The following MYBPC1 variants were observed in gnomAD, a reference collection of about 807,000 sequenced individuals.
MYBPC1 encodes myosin-binding protein C, slow-type.
MYBPC1 carries 52 observed loss-of-function variants against 147.1 expected under a neutral mutation model. That is an observed-to-expected ratio of 0.35 (90% CI 0.28 to 0.45). MYBPC1 has a LOEUF of 0.45. MYBPC1 is among the 20% of genes least tolerant of loss of function. The probability of loss-of-function intolerance (pLI) is 1.00; values close to 1 mark genes in which losing one functional copy is unlikely to be tolerated. For synonymous variants in MYBPC1, 477 were observed against 475.9 expected (o/e 1.00, Z -0.03); for missense variants, 1,228 against 1,440.3 (o/e 0.85, Z 2.39).
chr12:101,682,029 A>G (rs1195411969), intron 29 of MYBPC1, among the ~76,000 whole-genome samples: 1 of 152,082 alleles, frequency 6.6e-6, no homozygotes, highest in Non-Finnish European at 1.5e-5. Context: ...TTCTTAGAAA[A>G]TTTCAAGCCT....
intron 3 of MYBPC1, among the ~76,000 whole-genome samples, chr12:101,620,524 C>G (rs1887131022): frequency 6.6e-6 from 1 of 152,148 alleles, no homozygotes; most frequent in Non-Finnish European, 1.5e-5. Context: ...GTTTTGAAAG[C>G]AGACAAGAGT....
chr12:101,681,951 C>G (rs1951028900), intron 29 of MYBPC1, among the ~76,000 whole-genome samples: 1 of 151,876 alleles, frequency 6.6e-6, no homozygotes, highest in African/African-American at 2.4e-5. Context: ...CTTTCTTTCA[C>G]AATTCATAAT....
At chr12:101,695,533 T>C in the MYBPC1 span, among the ~76,000 whole-genome samples, 3 of 152,178 alleles carry the variant, frequency 2.0e-5, no homozygotes, top group African/African-American at 4.8e-5. Context: ...GACTACTGTA[T>C]GGAGAAGTGT....
At chr12:101,676,664 T>C (rs1467849598) in intron 26 of MYBPC1, among the ~76,000 whole-genome samples, 1 of 152,008 alleles carries the variant, frequency 6.6e-6, no homozygotes, top group African/African-American at 2.4e-5. Context: ...GGTGAAAGGG[T>C]CTATTGAGCC....
intron 15 of MYBPC1, chr12:101,650,985 T>G (rs1565958737): frequency 2.0e-6 from 1 of 488,962 alleles, no homozygotes; most frequent in Non-Finnish European, 3.7e-6. Context: ...TCTGCAGATT[T>G]TGTGCATTCC....
At chr12:101,623,067 G>T (rs1444881508) in intron 3 of MYBPC1, among the ~76,000 whole-genome samples, 1 of 152,156 alleles carries the variant, frequency 6.6e-6, no homozygotes, top group African/African-American at 2.4e-5. Flanking sequence ...CAGGTGCTGT[G>T]CCTCCTCATG....
intron 9 of MYBPC1, among the ~76,000 whole-genome samples, chr12:101,635,203 G>A (rs1193415971): frequency 2.0e-5 from 3 of 152,136 alleles, no homozygotes; most frequent in Non-Finnish European, 4.4e-5. Context: ...GGCGGTCAAG[G>A]AAGAAATGTA....
intron 26 of MYBPC1, among the ~76,000 whole-genome samples, chr12:101,676,533 T>C (rs1301604412): frequency 1.3e-5 from 2 of 152,140 alleles, no homozygotes; most frequent in Non-Finnish European, 2.9e-5. Flanking sequence ...GGCAGGAGGA[T>C]TGCTTGAGCC....
chr12:101,614,344 G>A (rs1215655379), intron 1 of MYBPC1, 152 bp from the exon 2 acceptor site: 8 of 765,214 alleles, frequency 1.0e-5, no homozygotes, highest in Non-Finnish European at 1.8e-5. Flanking sequence ...GAGAGAGAGA[G>A]AGAAGAGAGA....
At chr12:101,616,138 C>T (rs7967311) in intron 2 of MYBPC1, among the ~76,000 whole-genome samples, 33,558 of 152,084 alleles carry the variant, frequency 0.22, 5,240 homozygotes, top group African/African-American at 0.45. Flanking sequence ...TCGAAATGAA[C>T]GAAAACTGGC....
chr12:101,610,053 A>G (rs901938633), intron 1 of MYBPC1, among the ~76,000 whole-genome samples: 12 of 152,172 alleles, frequency 7.9e-5, no homozygotes, highest in African/African-American at 2.4e-4. Context: ...GAGATGCATG[A>G]GCAGTTCCTT....
intron 1 of MYBPC1, among the ~76,000 whole-genome samples, chr12:101,609,138 A>T (rs1201834356): frequency 6.6e-6 from 1 of 151,936 alleles, no homozygotes; most frequent in African/African-American, 2.4e-5. Flanking sequence ...TCTACTGTAA[A>T]CCCTTTAGGG....
intron 23 of MYBPC1, chr12:101,670,098 C>G (rs1898291956): frequency 1.7e-6 from 1 of 597,740 alleles, no homozygotes; most frequent in Admixed American, 2.8e-5. Context: ...CTGAGTCAAA[C>G]TGTTAAAACA....
chr12:101,597,869 G>A (rs1877988762), intron 1 of MYBPC1, among the ~76,000 whole-genome samples: 4 of 152,106 alleles, frequency 2.6e-5, no homozygotes, highest in Admixed American at 6.5e-5. Flanking sequence ...GATCAAATTG[G>A]GAGGATGTTG....
chr12:101,669,989 T>C (rs1435985363), intron 23 of MYBPC1: 1 of 399,514 alleles, frequency 2.5e-6, no homozygotes, highest in East Asian at 6.5e-5. Flanking sequence ...TATAAGGCCC[T>C]AAGAGAAAAT....
chr12:101,675,323 T>A lies in MYBPC1; in HGVS notation c.2841T>A (p.Ile947=), dbSNP rs772028258. Residue 947 remains isoleucine, a synonymous_variant, in exon 26 of 32, where the codon ATT becomes ATA. Coordinates refer to ENST00000361466, the MANE Select transcript of MYBPC1 (RefSeq NM_002465.4). ...CAGGTCCACCCCAAATTGTGAAGAT[T>A]GAGGATGTCTGGGGAGAAAATGTCG... ...DRPGPPQIVK[I]EDVWGENVAL... is the part of the protein sequence containing the mutation. The A allele has an allele frequency of 3.2e-5, 51 of 1,613,982 alleles. No individual in the cohort carries two copies. The highest frequency in any genetic ancestry group is 4.2e-5 in the Non-Finnish European group (49 of 1,179,960).
At chr12:101,666,906 C>A (rs952043675) in intron 22 of MYBPC1, 2 of 576,532 alleles carry the variant, frequency 3.5e-6, no homozygotes, top group Non-Finnish European at 6.4e-6. Context: ...CACACACACA[C>A]ACACACACAC....
At chr12:101,695,588 G>A in the MYBPC1 span, among the ~76,000 whole-genome samples, 1 of 152,178 alleles carries the variant, frequency 6.6e-6, no homozygotes, top group African/African-American at 2.4e-5. Context: ...TCACCAGCCA[G>A]TGATATCTAC....
intron 23 of MYBPC1, among the ~76,000 whole-genome samples, chr12:101,669,431 C>T (rs1429779255): frequency 6.6e-6 from 1 of 152,200 alleles, no homozygotes; most frequent in African/African-American, 2.4e-5. Context: ...TATTAATACA[C>T]AGTGGGCCAG....
Sources: gnomAD v4.1 joint callset for allele counts (sites outside exome capture counted in the v4.1 genomes callset) on GRCh38, gnomAD v4.1.1 for gene constraint, MANE v1.5 for transcripts, NCBI Gene and HGNC (gene_info 2026-07-23, HGNC 2026-07-21) for gene names.